The following SHISA9 variants were observed in gnomAD, a reference collection of about 807,000 sequenced individuals.
SHISA9 encodes protein shisa-9.
Under a neutral mutation model 38.0 loss-of-function variants are expected in SHISA9, and 13 were observed. That is an observed-to-expected ratio of 0.34 (90% CI 0.22 to 0.54). The LOEUF is 0.54. Ranked by LOEUF, SHISA9 falls within the 20% of genes least tolerant of loss-of-function variation. The pLI, the probability that SHISA9 is intolerant of heterozygous loss-of-function variation, is 0.91. For synonymous variants in SHISA9, 275 were observed against 242.0 expected (o/e 1.14, Z -1.27); for missense variants, 538 against 575.8 (o/e 0.93, Z 0.67).
At chr16:13,541,974 A>G in the SHISA9 span, among the ~76,000 whole-genome samples, 1 of 152,314 alleles carries the variant, frequency 6.6e-6, no homozygotes, top group African/African-American at 2.4e-5. Context: ...TTTTGCTAAC[A>G]TGATTAAGGT....
intron 2 of SHISA9, among the ~76,000 whole-genome samples, chr16:12,990,079 C>A (rs1014511044): frequency 6.6e-6 from 1 of 152,174 alleles, no homozygotes; most frequent in Non-Finnish European, 1.5e-5. Flanking sequence ...TGGCTTCTGG[C>A]TCTATCCATG....
At chr16:13,528,050 T>C in the SHISA9 span, among the ~76,000 whole-genome samples, 1 of 152,162 alleles carries the variant, frequency 6.6e-6, no homozygotes, top group Non-Finnish European at 1.5e-5. Flanking sequence ...CAATATTTCA[T>C]GTGGCTGTTG....
intron 2 of SHISA9, among the ~76,000 whole-genome samples, chr16:13,093,194 T>C (rs1341540280): frequency 6.6e-6 from 1 of 152,086 alleles, no homozygotes; most frequent in Non-Finnish European, 1.5e-5. Flanking sequence ...TTGTTCTGAG[T>C]CTTGGCCCAG....
the SHISA9 span, among the ~76,000 whole-genome samples, chr16:13,408,218 G>T: frequency 3.2e-4 from 49 of 152,122 alleles, no homozygotes; most frequent in Admixed American, 2.6e-3. Flanking sequence ...GGGTATGAAG[G>T]TTATATTATG....
the SHISA9 span, among the ~76,000 whole-genome samples, chr16:13,329,511 T>C: frequency 1.4e-4 from 22 of 152,196 alleles, no homozygotes; most frequent in Admixed American, 1.4e-3. Flanking sequence ...ATTTTCCTTG[T>C]TGACTTTTCA....
chr16:13,337,832 C>T, the SHISA9 span, among the ~76,000 whole-genome samples: 5 of 152,168 alleles, frequency 3.3e-5, no homozygotes, highest in South Asian at 1.0e-3. Context: ...TGTAGCACTT[C>T]CCCCTTCACT....
chr16:12,998,987 A>G (rs1217504833), intron 2 of SHISA9, among the ~76,000 whole-genome samples: 1 of 152,212 alleles, frequency 6.6e-6, no homozygotes, highest in Non-Finnish European at 1.5e-5. Flanking sequence ...CATTTTTGTC[A>G]TCCAATCAAT....
chr16:13,411,794 C>G, the SHISA9 span, among the ~76,000 whole-genome samples: 5 of 152,314 alleles, frequency 3.3e-5, no homozygotes, highest in Non-Finnish European at 7.3e-5. Context: ...CCTGTGTCTC[C>G]AAGACACACA....
intron 2 of SHISA9, among the ~76,000 whole-genome samples, chr16:13,168,094 G>A (rs914971680): frequency 1.3e-5 from 2 of 152,170 alleles, no homozygotes; most frequent in Admixed American, 6.5e-5. Flanking sequence ...GGATTAGCCA[G>A]TTCCTGGAGA....
chr16:13,534,728 A>C, the SHISA9 span, among the ~76,000 whole-genome samples: 2 of 152,066 alleles, frequency 1.3e-5, no homozygotes, highest in African/African-American at 2.4e-5. Context: ...TTTTTGCTGG[A>C]TCTTCCTCAT....
intron 2 of SHISA9, among the ~76,000 whole-genome samples, chr16:13,025,329 T>G (rs1266652140): frequency 6.6e-6 from 1 of 152,230 alleles, no homozygotes; most frequent in Non-Finnish European, 1.5e-5. Context: ...ACTGCAGACC[T>G]GCTGAATTAG....
chr16:12,996,598 G>A (rs1235264494), intron 2 of SHISA9, among the ~76,000 whole-genome samples: 1 of 152,124 alleles, frequency 6.6e-6, no homozygotes, highest in Non-Finnish European at 1.5e-5. Context: ...GTGTTCAACT[G>A]TGCAACCGAA....
At chr16:13,467,719 C>T in the SHISA9 span, among the ~76,000 whole-genome samples, 1 of 152,182 alleles carries the variant, frequency 6.6e-6, no homozygotes, top group Non-Finnish European at 1.5e-5. Context: ...TGGATGGAGC[C>T]AAGGGGCAGC....
At chr16:13,444,983 T>C in the SHISA9 span, among the ~76,000 whole-genome samples, 7 of 746 alleles carry the variant, frequency 9.4e-3, no homozygotes, top group African/African-American at 0.073. Context: ...CATGCCTAGC[T>C]ATATATATAT....
At chr16:13,210,603 C>G (rs934679123) in intron 3 of SHISA9, among the ~76,000 whole-genome samples, 34 of 152,260 alleles carry the variant, frequency 2.2e-4, no homozygotes, top group Middle Eastern at 6.8e-3. Flanking sequence ...GAGTGAAAAC[C>G]CTAAAAGCCA....
intron 2 of SHISA9, among the ~76,000 whole-genome samples, chr16:13,075,396 A>G (rs771539394): frequency 7.2e-5 from 11 of 152,140 alleles, no homozygotes; most frequent in Non-Finnish European, 1.5e-4. Flanking sequence ...CCCCGAAGCC[A>G]AGGGATCCTG....
At chr16:13,480,751 A>G in the SHISA9 span, among the ~76,000 whole-genome samples, 1 of 152,068 alleles carries the variant, frequency 6.6e-6, no homozygotes, top group East Asian at 1.9e-4. Flanking sequence ...GCGCAAGAAA[A>G]CACCAAGAGT....
At chr16:13,192,249 G>C (rs1376932782) in intron 2 of SHISA9, among the ~76,000 whole-genome samples, 1 of 152,144 alleles carries the variant, frequency 6.6e-6, no homozygotes, top group Non-Finnish European at 1.5e-5. Flanking sequence ...AAAGGAGTGA[G>C]TGTTGAAGAT....
At chr16:13,223,371 T>C (rs1027068297) in intron 4 of SHISA9, among the ~76,000 whole-genome samples, 4 of 152,082 alleles carry the variant, frequency 2.6e-5, no homozygotes, top group African/African-American at 9.7e-5. Flanking sequence ...GTCAAGTCAG[T>C]AGTGAGCTCT....
Sources: gnomAD v4.1 joint callset for allele counts (sites outside exome capture counted in the v4.1 genomes callset) on GRCh38, gnomAD v4.1.1 for gene constraint, MANE v1.5 for transcripts, NCBI Gene and HGNC (gene_info 2026-07-23, HGNC 2026-07-21) for gene names.